DRC11: variants seen among roughly 807,000 people sequenced by gnomAD.
The protein encoded by DRC11 is dynein regulatory complex subunit 11, also known as IQ and AAA domain-containing protein 1.
chr2:236,391,844 G>C, the DRC11 span: 1 of 724,046 alleles, frequency 1.4e-6, no homozygotes, highest in Non-Finnish European at 2.4e-6. The surrounding 1 kb of genome is among the most constrained non-coding windows in gnomAD (Gnocchi z 4.5). Context: ...ATTTACCAAA[G>C]GCAGGCATGT....
At chr2:236,432,594 TTG>T in the DRC11 span, among the ~76,000 whole-genome samples, 1 of 152,192 alleles carries the variant, frequency 6.6e-6, no homozygotes, top group Non-Finnish European at 1.5e-5. Context: ...TTGCTGTTTT[TTG>T]TATTGGGTTA....
At chr2:236,334,006 G>A in the DRC11 span, among the ~76,000 whole-genome samples, 7 of 152,222 alleles carry the variant, frequency 4.6e-5, no homozygotes, top group South Asian at 1.5e-3. The surrounding 1 kb of genome is among the most constrained non-coding windows in gnomAD (Gnocchi z 7.8). Flanking sequence ...GAGAGTTTCG[G>A]TCAAGATTCC....
the DRC11 span, among the ~76,000 whole-genome samples, chr2:236,310,243 C>A: frequency 3.3e-5 from 5 of 152,148 alleles, no homozygotes; most frequent in Admixed American, 6.5e-5. This position sits in a 1 kb window ranked among gnomAD's most constrained non-coding sequence, Gnocchi z 5.5. Context: ...AAGGCAGGAG[C>A]TGGCTTCACC....
chr2:236,310,204 C>T, the DRC11 span, among the ~76,000 whole-genome samples: 5 of 152,302 alleles, frequency 3.3e-5, no homozygotes, highest in South Asian at 6.2e-4. The surrounding 1 kb of genome is among the most constrained non-coding windows in gnomAD (Gnocchi z 5.5). Flanking sequence ...GAAAGATCTA[C>T]ACTCCTCCCT....
the DRC11 span, among the ~76,000 whole-genome samples, chr2:236,492,314 C>T: frequency 1.3e-5 from 2 of 152,270 alleles, no homozygotes; most frequent in Admixed American, 1.3e-4. Context: ...GAAGAACAAG[C>T]CCTCTATCCA....
the DRC11 span, among the ~76,000 whole-genome samples, chr2:236,345,607 T>C: frequency 2.0e-5 from 3 of 152,098 alleles, no homozygotes; most frequent in African/African-American, 7.2e-5. Flanking sequence ...AGGCTCCCCC[T>C]GAAAGGTGGC....
chr2:236,415,673 G>A, the DRC11 span, among the ~76,000 whole-genome samples: 1 of 152,130 alleles, frequency 6.6e-6, no homozygotes, highest in Non-Finnish European at 1.5e-5. This position sits in a 1 kb window ranked among gnomAD's most constrained non-coding sequence, Gnocchi z 5.7. Flanking sequence ...TTTCATAAAT[G>A]CTGATGTTCT....
chr2:236,468,288 T>TGCCATGTTGCCTA, the DRC11 span, among the ~76,000 whole-genome samples: 2 of 152,052 alleles, frequency 1.3e-5, no homozygotes, highest in Admixed American at 6.6e-5. Flanking sequence ...GATGGGGTCT[T>TGCCATGTTGCCTA]GCCATGTTGC....
the DRC11 span, chr2:236,412,747 C>G: frequency 6.6e-6 from 1 of 152,216 alleles, no homozygotes; most frequent in Non-Finnish European, 1.5e-5. Context: ...ATATCCAGTA[C>G]TTTCACCCAA....
the DRC11 span, among the ~76,000 whole-genome samples, chr2:236,349,510 C>T: frequency 3.9e-5 from 6 of 152,060 alleles, no homozygotes; most frequent in Non-Finnish European, 5.9e-5. The surrounding 1 kb of genome is among the most constrained non-coding windows in gnomAD (Gnocchi z 5.5). Context: ...AAATGTGGTA[C>T]ATATACACCA....
the DRC11 span, among the ~76,000 whole-genome samples, chr2:236,475,817 T>C: frequency 1.3e-5 from 2 of 152,198 alleles, no homozygotes; most frequent in African/African-American, 4.8e-5. The surrounding 1 kb of genome is among the most constrained non-coding windows in gnomAD (Gnocchi z 4.8). Context: ...GCATCATTTA[T>C]TGAAGAGACT....
chr2:236,505,885 C>T, the DRC11 span, among the ~76,000 whole-genome samples: 7 of 152,196 alleles, frequency 4.6e-5, no homozygotes, highest in African/African-American at 1.7e-4. Context: ...GAGCCATGTC[C>T]TCTGCCTCTA....
the DRC11 span, among the ~76,000 whole-genome samples, chr2:236,503,968 C>T: frequency 6.6e-6 from 1 of 152,162 alleles, no homozygotes; most frequent in Non-Finnish European, 1.5e-5. This position sits in a 1 kb window ranked among gnomAD's most constrained non-coding sequence, Gnocchi z 4.9. Context: ...AGAATTCACA[C>T]AGCATAGAAT....
chr2:236,440,625 C>T, the DRC11 span, among the ~76,000 whole-genome samples: 1 of 152,060 alleles, frequency 6.6e-6, no homozygotes, highest in Admixed American at 6.5e-5. Context: ...AGAAAGGCAC[C>T]CAGAACTCAG....
the DRC11 span, among the ~76,000 whole-genome samples, chr2:236,395,667 C>T: frequency 2.6e-5 from 4 of 152,168 alleles, no homozygotes; most frequent in Non-Finnish European, 5.9e-5. Context: ...GGAATCAATG[C>T]TTCCTTTTAT....
the DRC11 span, chr2:236,331,435 G>A: frequency 2.5e-6 from 4 of 1,613,852 alleles, no homozygotes; most frequent in East Asian, 6.7e-5. This position sits in a 1 kb window ranked among gnomAD's most constrained non-coding sequence, Gnocchi z 4.8. Context: ...TGCAGTGAGA[G>A]GTTTATGAAT....
the DRC11 span, among the ~76,000 whole-genome samples, chr2:236,426,607 A>T: frequency 6.6e-6 from 1 of 152,090 alleles, no homozygotes; most frequent in Non-Finnish European, 1.5e-5. This position sits in a 1 kb window ranked among gnomAD's most constrained non-coding sequence, Gnocchi z 4.1. Flanking sequence ...GGGTCTTGCT[A>T]TGTTGCCCAG....
At chr2:236,490,367 A>G in the DRC11 span, among the ~76,000 whole-genome samples, 1 of 152,158 alleles carries the variant, frequency 6.6e-6, no homozygotes, top group Non-Finnish European at 1.5e-5. This position sits in a 1 kb window ranked among gnomAD's most constrained non-coding sequence, Gnocchi z 5.5. Context: ...TAAGCAACCC[A>G]CTACCCTTCA....
chr2:236,440,653 C>T, the DRC11 span, among the ~76,000 whole-genome samples: 1 of 152,086 alleles, frequency 6.6e-6, no homozygotes, highest in African/African-American at 2.4e-5. Flanking sequence ...ATGGCACACC[C>T]AAAGGAGCAG....
Sources: allele counts gnomAD v4.1 joint callset (sites outside exome capture counted in the v4.1 genomes callset), GRCh38; gene constraint gnomAD v4.1.1; non-coding constraint Gnocchi (gnomAD v3.1); transcripts MANE v1.5; gene names NCBI Gene and HGNC (gene_info 2026-07-23, HGNC 2026-07-21).